MPDZ: variants seen among roughly 807,000 people sequenced by gnomAD.
MPDZ encodes the protein multiple PDZ domain protein.
Under a neutral mutation model 239.1 loss-of-function variants are expected in MPDZ, and 234 were observed. That is an observed-to-expected ratio of 0.98 (90% CI 0.88 to 1.09). The LOEUF (loss-of-function observed/expected upper bound fraction) is 1.09, where lower values mean the gene tolerates loss of function less well. Ranked by LOEUF, MPDZ falls within the 50% of genes least tolerant of loss-of-function variation. MPDZ has a pLI of 0.00. For synonymous variants in MPDZ, 1,048 were observed against 881.3 expected (o/e 1.19, Z -3.35); for missense variants, 3,175 against 2,510.0 (o/e 1.26, Z -5.66).
intron 10 of MPDZ, among the ~76,000 whole-genome samples, chr9:13,211,545 G>A (rs1349323407): frequency 6.6e-6 from 1 of 152,012 alleles, no homozygotes; most frequent in East Asian, 1.9e-4. Flanking sequence ...ATACAGTGCT[G>A]AGCAACAAAA....
chr9:13,114,371 A>G (rs1194283238), intron 40 of MPDZ, among the ~76,000 whole-genome samples: 4 of 152,202 alleles, frequency 2.6e-5, no homozygotes, highest in Non-Finnish European at 5.9e-5. Flanking sequence ...GGGCCAGCTA[A>G]TAGGAAACTC....
intron 3 of MPDZ, among the ~76,000 whole-genome samples, chr9:13,244,049 G>A (rs1021870056): frequency 2.0e-5 from 3 of 152,066 alleles, no homozygotes; most frequent in Admixed American, 1.3e-4. Flanking sequence ...TAGCAATGTC[G>A]ATTTTTAAGT....
At chr9:13,175,627 T>C (rs1488367160) in intron 21 of MPDZ, 125 bp downstream of exon 21, 22 of 1,010,438 alleles carry the variant, frequency 2.2e-5, no homozygotes, top group Non-Finnish European at 2.9e-5. Context: ...AAATAAAAAC[T>C]ACAGGAAAAT....
intron 13 of MPDZ, among the ~76,000 whole-genome samples, chr9:13,194,981 G>C (rs1181985657): frequency 6.6e-6 from 1 of 151,722 alleles, no homozygotes; most frequent in Non-Finnish European, 1.5e-5. Context: ...TAATCATTTT[G>C]AATGTTTAAA....
chr9:13,165,747 C>T (rs1328979293), intron 22 of MPDZ, among the ~76,000 whole-genome samples: 2 of 152,114 alleles, frequency 1.3e-5, no homozygotes, highest in Non-Finnish European at 2.9e-5. Context: ...GCAGCTGCTG[C>T]TAAGCACAAA....
At chr9:13,253,061 T>G (rs1256958281) in intron 1 of MPDZ, among the ~76,000 whole-genome samples, 1 of 151,980 alleles carries the variant, frequency 6.6e-6, no homozygotes, top group African/African-American at 2.4e-5. Flanking sequence ...ACATGGGAGG[T>G]AGACCTCGGA....
At chr9:13,240,907 T>C (rs557002885) in intron 3 of MPDZ, among the ~76,000 whole-genome samples, 1 of 152,218 alleles carries the variant, frequency 6.6e-6, no homozygotes, top group Non-Finnish European at 1.5e-5. Flanking sequence ...TTTTTTTCCT[T>C]CTCCTCCAAA....
intron 10 of MPDZ, among the ~76,000 whole-genome samples, chr9:13,214,544 C>T (rs927699076): frequency 3.3e-5 from 5 of 151,920 alleles, no homozygotes; most frequent in African/African-American, 7.3e-5. Flanking sequence ...CTGTACTGTA[C>T]ATTTTAAATG....
At chr9:13,183,674 G>C (rs143164446) in intron 18 of MPDZ, 89 bp from the exon 19 acceptor site, 70 of 1,231,354 alleles carry the variant, frequency 5.7e-5, no homozygotes, top group Non-Finnish European at 7.3e-5. Context: ...AGGCAAACTG[G>C]TATCATTCTT....
At chr9:13,271,439 T>C (rs901020265) in intron 1 of MPDZ, among the ~76,000 whole-genome samples, 14 of 152,294 alleles carry the variant, frequency 9.2e-5, no homozygotes, top group Admixed American at 6.5e-4. Context: ...TGTGTAAAAG[T>C]AGAACACAAA....
chr9:13,119,980 C>G lies in MPDZ; in HGVS notation c.5232-331G>C, dbSNP rs1197901598. 1.2e-5 allele frequency: 3 copies of G among 259,502 alleles called. No homozygotes were observed. The Admixed American group carries it at 1.6e-4, about 14-fold the overall frequency. 16.1% of individuals were successfully genotyped at this position (259,502 alleles called of 1,614,324 possible). On this transcript the variant is annotated intron_variant, in intron 38 of 46. Coordinates refer to ENST00000319217, the MANE Select transcript of MPDZ (RefSeq NM_001378778.1). Reference sequence around the variant, plus strand: ...CAAAAGTAAGACTTAAGAGTCAGTCCTTGGATGCAAAATCTGCTGTTCTTT... The same window carrying G: ...CAAAAGTAAGACTTAAGAGTCAGTCGTTGGATGCAAAATCTGCTGTTCTTT...
chr9:13,138,120 C>G lies in MPDZ; in HGVS notation c.4037G>C (p.Gly1346Ala). 1 of 1,602,280 alleles carries G rather than the reference C, an allele frequency of 6.2e-7. No individual in the cohort carries two copies. Among genetic ancestry groups the G allele is most frequent in the Non-Finnish European group, 8.5e-7 (1 of 1,173,826 alleles). Residue 1346 changes from glycine to alanine, a missense_variant, in exon 29 of 47, where the codon GGC (glycine) becomes GCC (alanine). Gly to Ala is a moderately conservative substitution (Grantham distance 60, BLOSUM62 0). Coordinates refer to ENST00000319217, the MANE Select transcript of MPDZ (RefSeq NM_001378778.1). ...NIRERYGTLT[G>A]ELHMIELEKG... ...CTCCAGTTCAATCATATGCAGCTCG[C>G]CTGTTAGGGTTCCATAACGCTCTCT...
At chr9:13,262,844 T>C in intron 1 of MPDZ, among the ~76,000 whole-genome samples, 1 of 152,146 alleles carries the variant, frequency 6.6e-6, no homozygotes, top group Non-Finnish European at 1.5e-5. Flanking sequence ...AGTAGTTTAT[T>C]TATATTTTTT....
At chr9:13,110,398 C>CCTT (rs1411599899) in intron 44 of MPDZ, among the ~76,000 whole-genome samples, 1 of 152,142 alleles carries the variant, frequency 6.6e-6, no homozygotes, top group Non-Finnish European at 1.5e-5. Context: ...TCATGTACTG[C>CCTT]TAAGGCCTGG....
At chr9:13,223,410 A>G (rs1959422658) in intron 5 of MPDZ, among the ~76,000 whole-genome samples, 161 bp downstream of exon 5, 1 of 152,102 alleles carries the variant, frequency 6.6e-6, no homozygotes, top group African/African-American at 2.4e-5. Flanking sequence ...AGAACCTGCT[A>G]TTTTATCACA....
At position 13,106,664 on chromosome 9, in the gene MPDZ, T is replaced by C. The variant is rs1941509363; in HGVS notation, c.*301A>G. 1 of 257,868 alleles carries C rather than the reference T, an allele frequency of 3.9e-6. No individual in the cohort carries two copies. Among genetic ancestry groups the C allele is most frequent in the East Asian group, 6.7e-5 (1 of 14,878 alleles). 16.0% of individuals were successfully genotyped at this position (257,868 alleles called of 1,614,324 possible). A position where few individuals can be genotyped will look rare whatever the true frequency, so the allele number is the denominator to read the frequency against. The stretch of plus-strand genomic sequence containing the variant: ...TTTCTTTATACTAACCAGCTTAGCA[T>C]GTAATAATTCTTGCCCATGTGACTA... On this transcript the variant is annotated 3_prime_UTR_variant, in exon 47 of 47. Transcript: ENST00000319217.
chr9:13,204,814 G>A (rs1354206675), intron 12 of MPDZ, among the ~76,000 whole-genome samples: 7 of 152,144 alleles, frequency 4.6e-5, no homozygotes, highest in Non-Finnish European at 7.4e-5. Flanking sequence ...GCAAGAAAGT[G>A]TAAGTGAACG....
At chr9:13,277,801 G>A (rs1330147444) in intron 1 of MPDZ, among the ~76,000 whole-genome samples, 2 of 152,154 alleles carry the variant, frequency 1.3e-5, no homozygotes, top group Non-Finnish European at 2.9e-5. Context: ...CTGACCTTAA[G>A]TGATCCACCC....
chr9:13,272,700 TAAAAAAAAAAA>T (rs539786957), intron 1 of MPDZ, among the ~76,000 whole-genome samples: 1 of 78,584 alleles, frequency 1.3e-5, no homozygotes, highest in African/African-American at 4.9e-5. Context: ...CTGTTCCTAC[TAAAAAAAAAAA>T]AAAAAAAAAA....
Sources: allele counts gnomAD v4.1 joint callset (sites outside exome capture counted in the v4.1 genomes callset), GRCh38; gene constraint gnomAD v4.1.1; transcripts MANE v1.5; gene names NCBI Gene and HGNC (gene_info 2026-07-23, HGNC 2026-07-21).